Variants in FAM135A observed in about 807,000 individuals in gnomAD.
The protein encoded by FAM135A is family with sequence similarity 135 member A.
FAM135A carries 79 observed loss-of-function variants against 146.8 expected under a neutral mutation model. That is an observed-to-expected ratio of 0.54 (90% confidence interval 0.45 to 0.65). The LOEUF (loss-of-function observed/expected upper bound fraction) is 0.65, where lower values mean the gene tolerates loss of function less well. FAM135A is among the 30% of genes least tolerant of loss of function. The pLI is 0.00. For synonymous variants in FAM135A, 562 were observed against 603.6 expected, an observed-to-expected ratio of 0.93 and a Z score of 1.01; for missense variants, 1,623 against 1,758.2, an observed-to-expected ratio of 0.92 and a Z score of 1.38.
intron 20 of FAM135A, among the ~76,000 whole-genome samples, chr6:70,548,490 T>G (rs944473758): frequency 5.3e-5 from 8 of 152,146 alleles, no homozygotes; most frequent in African/African-American, 1.9e-4. Flanking sequence ...TGACTAATCT[T>G]TACTGATTTT....
chr6:70,449,070 G>T (rs1490513406), intron 4 of FAM135A, among the ~76,000 whole-genome samples: 1 of 152,160 alleles, frequency 6.6e-6, no homozygotes, highest in Non-Finnish European at 1.5e-5. Flanking sequence ...CCCTCAAAAT[G>T]GTTAATATAG....
At chr6:70,414,407 C>T (rs1383024366) in intron 1 of FAM135A, among the ~76,000 whole-genome samples, 3 of 152,080 alleles carry the variant, frequency 2.0e-5, no homozygotes, top group African/African-American at 7.2e-5. Context: ...CCTCTGGTAC[C>T]CTGCTTCATC....
At chr6:70,509,924 G>A (rs896764442) in intron 12 of FAM135A, among the ~76,000 whole-genome samples, 2 of 152,020 alleles carry the variant, frequency 1.3e-5, no homozygotes, top group Admixed American at 6.6e-5. Flanking sequence ...TTAGAATACC[G>A]TTTATTATGA....
intron 12 of FAM135A, among the ~76,000 whole-genome samples, chr6:70,512,186 A>G (rs1406533513): frequency 6.6e-6 from 1 of 151,926 alleles, no homozygotes; most frequent in Non-Finnish European, 1.5e-5. Flanking sequence ...TTCAGTCAAC[A>G]TAATTTCTTT....
In FAM135A at chr6:70,559,919, T is replaced by C; in HGVS notation, c.4546T>C (p.Ter1516GlnextTer23). 2 of 1,610,432 alleles carry C rather than the reference T, an allele frequency of 1.2e-6. No individual in the cohort carries two copies. The highest frequency in any genetic ancestry group is 1.7e-6 in the Non-Finnish European group (2 of 1,177,396). The change falls in exon 22 of 22, where the codon TAG (stop) becomes CAG (glutamine). Residue 1516 changes from the stop codon to glutamine, a stop_lost. Transcript: ENST00000418814. ...GGTTGCTGCCCTCAAATATTTCCAA[T>C]AGTATAAAAGCATTGTTAGCGACTG... is the stretch of plus-strand genomic sequence containing the variant. ...FLVAALKYFQ[*>Q]
In FAM135A at chr6:70,464,787, C is replaced by CCTGG. The variant is rs1218013297; in HGVS notation, c.158-10623_158-10622insCTGG. 2.8e-5 allele frequency among the ~76,000 whole-genome samples: 4 copies of CCTGG among 144,884 alleles called. No individual in the cohort carries two copies. In the East Asian group the frequency reaches 8.0e-4, roughly 29 times the overall value. ...GTTCAAGCGATTCGCCCATCTCAGACTCCCAAGTAGCTGGGATTATAGGCA... is the reference window on the plus strand; with the variant it reads ...GTTCAAGCGATTCGCCCATCTCAGACCTGGTCCCAAGTAGCTGGGATTATAGGCA... On this transcript the variant is annotated intron_variant, in intron 5 of 21. Transcript: ENST00000418814.
At chr6:70,446,322 G>A (rs1253719947) in intron 4 of FAM135A, among the ~76,000 whole-genome samples, 2 of 152,166 alleles carry the variant, frequency 1.3e-5, no homozygotes, top group Non-Finnish European at 1.5e-5. Context: ...CGTAATTCCA[G>A]ATAGTAGGAA....
intron 4 of FAM135A, among the ~76,000 whole-genome samples, chr6:70,452,284 T>A (rs543917582): frequency 6.6e-6 from 1 of 152,194 alleles, no homozygotes; most frequent in South Asian, 2.1e-4. Flanking sequence ...TTTATCTTTA[T>A]ATATACTGGG....
At chr6:70,425,915 A>G (rs922061357) in intron 2 of FAM135A, among the ~76,000 whole-genome samples, 3 of 151,866 alleles carry the variant, frequency 2.0e-5, no homozygotes, top group African/African-American at 7.3e-5. Context: ...CATCCTGGCT[A>G]ACAAGGTGAA....
At chr6:70,489,402 T>G (rs1785403157) in intron 10 of FAM135A, among the ~76,000 whole-genome samples, 1 of 151,996 alleles carries the variant, frequency 6.6e-6, no homozygotes, top group South Asian at 2.1e-4. Flanking sequence ...TACAATTTAC[T>G]TGTATATTTT....
chr6:70,482,511 C>T (rs555518416), intron 10 of FAM135A, among the ~76,000 whole-genome samples: 28 of 152,190 alleles, frequency 1.8e-4, no homozygotes, highest in African/African-American at 6.7e-4. Flanking sequence ...AAATATTTTA[C>T]AGTCTAATCA....
intron 4 of FAM135A, among the ~76,000 whole-genome samples, chr6:70,434,411 C>T (rs982295357): frequency 1.3e-5 from 2 of 152,164 alleles, no homozygotes; most frequent in Admixed American, 1.3e-4. Context: ...TTCTCAGTAG[C>T]TTGTCTGCAG....
At chr6:70,417,791 A>G (rs569586775) in intron 2 of FAM135A, 1 of 182,642 alleles carries the variant, frequency 5.5e-6, no homozygotes, top group African/African-American at 2.4e-5. Context: ...TAAAAAATGT[A>G]AGACTGTGGA....
chr6:70,448,371 G>A (rs1429910400), intron 4 of FAM135A, among the ~76,000 whole-genome samples: 1 of 152,084 alleles, frequency 6.6e-6, no homozygotes, highest in Non-Finnish European at 1.5e-5. Flanking sequence ...TTCCAAGGTG[G>A]AACGAACCAG....
chr6:70,500,370 A>G (rs907056378), intron 11 of FAM135A, among the ~76,000 whole-genome samples: 2 of 152,138 alleles, frequency 1.3e-5, no homozygotes, highest in South Asian at 2.1e-4. Flanking sequence ...TATTCTTGTT[A>G]GCAGTTCCTG....
At chr6:70,547,175 T>C (rs1419434445) in intron 20 of FAM135A, among the ~76,000 whole-genome samples, 1 of 152,170 alleles carries the variant, frequency 6.6e-6, no homozygotes, top group African/African-American at 2.4e-5. Context: ...GGTCCTGCTG[T>C]CCTACTGTGG....
chr6:70,440,024 C>T (rs537219842), intron 4 of FAM135A, among the ~76,000 whole-genome samples: 8 of 152,246 alleles, frequency 5.3e-5, no homozygotes, highest in African/African-American at 1.9e-4. Context: ...AGTTAGTGTA[C>T]ACAGTCCCTC....
intron 19 of FAM135A, among the ~76,000 whole-genome samples, chr6:70,537,952 T>C (rs1033590193): frequency 6.8e-6 from 1 of 147,984 alleles, no homozygotes; most frequent in Non-Finnish European, 1.5e-5. Context: ...TATTTGAAGT[T>C]TTTCTTCATC....
At chr6:70,520,180 T>C (rs1487540620) in intron 12 of FAM135A, among the ~76,000 whole-genome samples, 1 of 152,184 alleles carries the variant, frequency 6.6e-6, no homozygotes, top group Non-Finnish European at 1.5e-5. Flanking sequence ...TAATTTGCTC[T>C]TTTAATGTGG....
Sources: gnomAD v4.1 joint callset for allele counts (sites outside exome capture counted in the v4.1 genomes callset) on GRCh38, gnomAD v4.1.1 for gene constraint, MANE v1.5 for transcripts, NCBI Gene and HGNC (gene_info 2026-07-23, HGNC 2026-07-21) for gene names.